The following ZBTB4 variants were observed in gnomAD, a reference collection of about 807,000 sequenced individuals.
The protein encoded by ZBTB4 is zinc finger and BTB domain-containing protein 4.
In ZBTB4, 14 loss-of-function variants were observed where a neutral mutation model predicts 59.8. That is an observed-to-expected ratio of 0.23 (90% CI 0.15 to 0.37). The LOEUF (loss-of-function observed/expected upper bound fraction) is 0.37. Among genes scored for constraint, ZBTB4 ranks in the 10% least tolerant of loss-of-function variants. The probability of loss-of-function intolerance (pLI) is 1.00; values close to 1 mark genes in which losing one functional copy is unlikely to be tolerated. For missense variants in ZBTB4, 1,198 were observed against 1,380.8 expected, an observed-to-expected ratio of 0.87 and a Z score of 2.10; for synonymous variants, 587 against 575.2, an observed-to-expected ratio of 1.02 and a Z score of -0.29.
rs753161493 is a variant in ZBTB4 at position 7,459,431 on chromosome 17, C to A, written c.*2509G>T. ...ACAGAGTTGGACACACACACAAATG[C>A]GGAGATAAATATTGGTCAGTTTCTC... On this transcript the variant is annotated 3_prime_UTR_variant, in exon 4 of 4. Transcript: ENST00000380599. 1 of 152,590 alleles carries A rather than the reference C, an allele frequency of 6.6e-6. No homozygotes were observed. 9.5% of individuals were successfully genotyped at this position (152,590 alleles called of 1,614,324 possible).
chr17:7,475,729 C>T (rs564847637), intron 1 of ZBTB4, among the ~76,000 whole-genome samples: 11 of 152,272 alleles, frequency 7.2e-5, no homozygotes, highest in East Asian at 3.9e-4. Flanking sequence ...TGGGCCACTG[C>T]GCCCGGCCAT....
Position 7,462,946 on chromosome 17 carries a change from G to T in ZBTB4, c.2036C>A (p.Ala679Asp). ...ACTGCCCCCCACACTGGCACCTCCA[G>T]CAGCTCCAGCCTTGCGCTTAGGCTT... ...SYKPKRKAGA[A>D]GGASVGGSGL... The change falls in exon 4 of 4, where the codon GCT becomes GAT. Residue 679 changes from alanine (A) to aspartate (D), a missense_variant. Physicochemically the swap from Ala to Asp is moderately radical, Grantham distance 126. This residue lies in a region of ZBTB4 where 550 missense variants were observed against 541.8 expected (regional missense o/e 1.02). Transcript: ENST00000380599. The surrounding 1 kb of genome is among the most constrained non-coding windows in gnomAD (Gnocchi z 7.5). 6.2e-7 allele frequency: 1 copy of T among 1,608,718 alleles called. No homozygotes were observed. The highest frequency in any genetic ancestry group is 8.5e-7 in the Non-Finnish European group (1 of 1,178,392).
At position 7,465,932 on chromosome 17, in the gene ZBTB4, C is replaced by G; in HGVS notation, c.870G>C (p.Val290=). The G allele has an allele frequency of 6.2e-7, 1 of 1,609,326 alleles. No homozygotes were observed. The highest frequency in any genetic ancestry group is 8.5e-7 in the Non-Finnish European group (1 of 1,176,900). ...CGTGCTCGGGGCCCCCTCGGAAGCC[C>G]ACTGGTGGAGGCAGGGCTGAGGCGT... ...GVDASALPPP[V]GFRGGPEHVV... is the part of the protein sequence containing the mutation. Residue 290 remains valine, a synonymous_variant, in exon 3 of 4, where the codon GTG becomes GTC. Transcript: ENST00000380599.
upstream of ZBTB4, chr17:7,482,233 T>C (rs2070353940): frequency 6.2e-7 from 1 of 1,613,846 alleles, no homozygotes; most frequent in Non-Finnish European, 8.5e-7. Flanking sequence ...ACCTCCCTAT[T>C]GCCCTGCTAC....
chr17:7,467,691 A>G (rs1377026370), intron 1 of ZBTB4, among the ~76,000 whole-genome samples: 1 of 152,242 alleles, frequency 6.6e-6, no homozygotes, highest in East Asian at 1.9e-4. Flanking sequence ...CCTTTGGCCC[A>G]ATCTCCAGGG....
At chr17:7,467,412 C>T (rs1210965973) in intron 1 of ZBTB4, 85 bp from the exon 2 acceptor site, 3 of 294,200 alleles carry the variant, frequency 1.0e-5, no homozygotes, top group Admixed American at 1.3e-4. Context: ...AGGAAAAGCC[C>T]CCAGGAAGTG....
At position 7,479,527 on chromosome 17, in the gene ZBTB4, CCCGCCTCCAGCTCCGGCT is replaced by C. The variant is rs2070315600; in HGVS notation, c.-170_-153del. On this transcript the variant is annotated 5_prime_UTR_variant, in exon 1 of 4. Coordinates refer to ENST00000380599, the MANE Select transcript of ZBTB4 (RefSeq NM_001128833.2). ...GCCGCCCCCGGCCGCTCCGGTTTTGCCCGCCTCCAGCTCCGGCTCCGGCTCCAGCTCCGGCCCTGGCCC... is the reference window on the plus strand; with the variant it reads ...GCCGCCCCCGGCCGCTCCGGTTTTGCCCGGCTCCAGCTCCGGCCCTGGCCC... 1 of 160,462 alleles carries C rather than the reference CCCGCCTCCAGCTCCGGCT, an allele frequency of 6.2e-6. No individual in the cohort carries two copies. Among genetic ancestry groups the C allele is most frequent in the African/African-American group, 2.4e-5 (1 of 41,454 alleles). 9.9% of individuals were successfully genotyped at this position (160,462 alleles called of 1,614,324 possible).
chr17:7,466,468 G>GAGAGGA lies in ZBTB4; in HGVS notation c.328_333dup (p.Ser110_Ser111dup), dbSNP rs561929099. On this transcript the variant is annotated inframe_insertion, in exon 3 of 4. Transcript: ENST00000380599. This position sits in a 1 kb window ranked among gnomAD's most constrained non-coding sequence, Gnocchi z 9.1. ...GAAGCAGGGGGAGAGGCTGGAGGGG[G>GAGAGGA]AGAGGAAGAGGAAGAGGAAGAAGAA... The GAGAGGA allele has an allele frequency of 6.8e-6, 11 of 1,611,264 alleles. No individual in the cohort carries two copies. Among genetic ancestry groups the GAGAGGA allele is most frequent in the African/African-American group, 2.7e-5 (2 of 74,882 alleles).
rs1479300239 is a variant in ZBTB4, at chr17:7,464,379, T to A, written c.1092-489A>T. On this transcript the variant is annotated intron_variant, in intron 3 of 3. Transcript: ENST00000380599. The stretch of plus-strand genomic sequence containing the variant: ...GAGGTGAGGTTGCAGTGAGCCAAGA[T>A]TGCACCACTGCACTCCCGCCTGGGC... Among the ~76,000 whole-genome samples the A allele has an allele frequency of 2.1e-5, 3 of 144,626 alleles. No homozygotes were observed. In the Admixed American group the frequency reaches 2.1e-4, roughly 10 times the overall value. 94.9% of individuals were successfully genotyped at this position (144,626 alleles called of 152,430 possible).
upstream of ZBTB4, chr17:7,483,031 G>T (rs1424219869): frequency 6.2e-7 from 1 of 1,611,792 alleles, no homozygotes; most frequent in Non-Finnish European, 8.5e-7. Context: ...GGGGTTGGGA[G>T]GGACAGGGAT....
At chr17:7,464,858 TAAA>T (rs919511040) in intron 3 of ZBTB4, among the ~76,000 whole-genome samples, 1 of 117,676 alleles carries the variant, frequency 8.5e-6, no homozygotes. Flanking sequence ...AATGCCGTCT[TAAA>T]AAAAAAAAAA....
intron 1 of ZBTB4, 145 bp downstream of exon 1, chr17:7,479,311 C>G (rs2150867864): frequency 6.6e-6 from 1 of 151,744 alleles, no homozygotes; most frequent in East Asian, 2.0e-4. Flanking sequence ...CAGCCCCCGA[C>G]CCCTGCGCCC....
chr17:7,482,126 G>T, upstream of ZBTB4: 3 of 1,614,138 alleles, frequency 1.9e-6, no homozygotes, highest in East Asian at 6.7e-5. Flanking sequence ...GCTGGGTGGG[G>T]GCCTGCCTGC....
upstream of ZBTB4, chr17:7,482,968 C>T: frequency 6.2e-7 from 1 of 1,611,910 alleles, no homozygotes; most frequent in Non-Finnish European, 8.5e-7. Context: ...CCTGGAACCT[C>T]AGCTGTGAGA....
chr17:7,462,544 T>C lies in ZBTB4; in HGVS notation c.2438A>G (p.Asp813Gly), dbSNP rs145141617. The C allele has an allele frequency of 7.9e-4, 1,278 of 1,613,764 alleles. 2 individuals carry two copies. The highest frequency in any genetic ancestry group is 3.3e-3 in the Middle Eastern group (20 of 6,048). The change falls in exon 4 of 4, where the codon GAT becomes GGT. Residue 813 changes from aspartate (D) to glycine (G), a missense_variant. By Grantham distance (94) the Asp-to-Gly change is moderately conservative. Around this residue, in one of 9 missense-constraint regions of ZBTB4, gnomAD observed 550 missense variants for 541.8 expected, o/e 1.02. Coordinates refer to ENST00000380599, the MANE Select transcript of ZBTB4 (RefSeq NM_001128833.2). The surrounding 1 kb of genome is among the most constrained non-coding windows in gnomAD (Gnocchi z 7.5). ...SKGSAGTRPGDVKEEAPQEMQ... is the reference protein window; with the variant it reads ...SKGSAGTRPGGVKEEAPQEMQ... ...CTCTTGGGGGGCTTCCTCCTTGACA[T>C]CCCCGGGCCTGGTGCCAGCGCTGCC...
At chr17:7,469,050 C>T (rs891009512) in intron 1 of ZBTB4, among the ~76,000 whole-genome samples, 2 of 152,160 alleles carry the variant, frequency 1.3e-5, no homozygotes, top group Admixed American at 1.3e-4. Flanking sequence ...GCCTCCTACT[C>T]GCCTCCATGA....
intron 1 of ZBTB4, among the ~76,000 whole-genome samples, chr17:7,478,364 C>CGAGG (rs2070298156): frequency 6.6e-6 from 1 of 152,094 alleles, no homozygotes; most frequent in Admixed American, 6.6e-5. Flanking sequence ...CGGGGTTCCT[C>CGAGG]GCTCCTCTCA....
Position 7,461,708 on chromosome 17 carries a change from G to A in ZBTB4, c.*232C>T. The A allele has an allele frequency of 2.3e-6, 1 of 429,716 alleles. No homozygotes were observed. Among genetic ancestry groups the A allele is most frequent in the African/African-American group, 2.0e-5 (1 of 48,838 alleles). The allele number at this position is 429,716 out of a possible 1,614,324, so 26.6% of individuals were successfully genotyped here. ...GATGGAAGCTGGCCCTGCCCCTCAT[G>A]GAGGCCATTCCCTGGAGGAAGACTG... On this transcript the variant is annotated 3_prime_UTR_variant, in exon 4 of 4. Coordinates refer to ENST00000380599, the MANE Select transcript of ZBTB4 (RefSeq NM_001128833.2).
chr17:7,481,395 C>CTA (rs2070343343), upstream of ZBTB4: 1 of 1,293,556 alleles, frequency 7.7e-7, no homozygotes, highest in Admixed American at 4.0e-5. Flanking sequence ...AATAGGCGTG[C>CTA]TACCACCTCA....
Sources: allele counts gnomAD v4.1 joint callset (sites outside exome capture counted in the v4.1 genomes callset), GRCh38; gene constraint gnomAD v4.1.1; regional missense constraint gnomAD v4.1.1; non-coding constraint Gnocchi (gnomAD v3.1); transcripts MANE v1.5; gene names NCBI Gene and HGNC (gene_info 2026-07-23, HGNC 2026-07-21).